SMC4: variants seen among roughly 807,000 people sequenced by gnomAD.
SMC4 encodes the protein structural maintenance of chromosomes 4.
A neutral mutation model predicts 145.6 loss-of-function variants in SMC4; 87 were observed. The observed-to-expected ratio is 0.60, with a 90% CI of 0.50 to 0.71. The LOEUF (loss-of-function observed/expected upper bound fraction) is 0.71. SMC4 is among the 30% of genes least tolerant of loss of function. The probability of loss-of-function intolerance (pLI) is 0.00; values close to 1 mark genes in which losing one functional copy is unlikely to be tolerated. For synonymous variants in SMC4, 558 were observed against 500.7 expected, an observed-to-expected ratio of 1.11 and a Z score of -1.53; for missense variants, 1,447 against 1,537.1, an observed-to-expected ratio of 0.94 and a Z score of 0.98.
chr3:160,423,898 G>T, intron 15 of SMC4, 58 bp downstream of exon 15: 4 of 1,368,264 alleles, frequency 2.9e-6, no homozygotes, highest in Admixed American at 2.3e-5. Context: ...GCTTTACCGA[G>T]GTATATACTT....
chr3:160,427,991 A>G (rs1717984598), intron 17 of SMC4, among the ~76,000 whole-genome samples: 1 of 152,118 alleles, frequency 6.6e-6, no homozygotes, highest in African/African-American at 2.4e-5. Flanking sequence ...CATGCTTATA[A>G]TCCCAGCTAC....
In SMC4 at chr3:160,419,453, A is replaced by T; in HGVS notation, c.1767A>T (p.Ser589=). ...LFQKVEEAKS[S]LAMNRSRGKV... ...AAAAAGTTGAAGAAGCAAAGAGCTC[A>T]TTAGCAATGAATCGAAGTAGGGGGA... The change falls in exon 12 of 24, where the codon TCA becomes TCT. Residue 589 remains serine, a synonymous_variant. Transcript: ENST00000357388. The T allele has an allele frequency of 9.3e-6, 15 of 1,612,366 alleles. No individual in the cohort carries two copies. Among genetic ancestry groups the T allele is most frequent in the Non-Finnish European group, 1.3e-5 (15 of 1,179,656 alleles).
chr3:160,414,707 T>G (rs1716404158), intron 9 of SMC4, among the ~76,000 whole-genome samples, 190 bp downstream of exon 9: 1 of 151,872 alleles, frequency 6.6e-6, no homozygotes, highest in African/African-American at 2.4e-5. Context: ...TTGCAGGAGG[T>G]TTTTTGTTTG....
rs548136032 is a variant in SMC4, at chr3:160,434,682, A to G, written c.*873A>G. 1.0e-3 allele frequency: 159 copies of G among 152,332 alleles called. No homozygotes were observed. Among genetic ancestry groups the G allele is most frequent in the African/African-American group, 3.6e-3 (151 of 41,574 alleles). 9.4% of individuals were successfully genotyped at this position (152,332 alleles called of 1,614,324 possible). A position where few individuals can be genotyped will look rare whatever the true frequency, so the allele number is the denominator to read the frequency against. On this transcript the variant is annotated 3_prime_UTR_variant, in exon 24 of 24. Coordinates refer to ENST00000357388, the MANE Select transcript of SMC4 (RefSeq NM_001002800.3). ...AAAATTGTCAGCGTATTTTTACACT[A>G]TTGGCTCAAGAATGTTATAATGCTA...
At position 160,402,819 on chromosome 3, in the gene SMC4, C is replaced by T; in HGVS notation, c.462C>T (p.Asp154=). 6.2e-7 allele frequency: 1 copy of T among 1,604,240 alleles called. No homozygotes were observed. Among genetic ancestry groups the T allele is most frequent in the Non-Finnish European group, 8.5e-7 (1 of 1,177,526 alleles). ...TACATAATTCTGATGAACACAAGGA[C>T]ATTCAGAGTTGTACAGTAGAAGTTC... The part of the protein sequence containing the change: ...VLIHNSDEHK[D]IQSCTVEVHF... The change falls in exon 4 of 24, where the codon GAC becomes GAT. Residue 154 remains aspartate (D), a synonymous_variant. Coordinates refer to ENST00000357388, the MANE Select transcript of SMC4 (RefSeq NM_001002800.3).
Position 160,431,144 on chromosome 3 carries a change from T to A in SMC4, c.3053T>A (p.Leu1018His). 6.2e-7 allele frequency: 1 copy of A among 1,605,330 alleles called. No individual in the cohort carries two copies. The change falls in exon 20 of 24, where the codon CTT becomes CAT. Residue 1018 changes from leucine (L) to histidine (H), a missense_variant. Leu to His is a moderately conservative substitution (Grantham distance 99, BLOSUM62 -3). Coordinates refer to ENST00000357388, the MANE Select transcript of SMC4 (RefSeq NM_001002800.3). ...GATGCACTTAGTATTAAGTTGAAAC[T>A]TGAACAAATAGATGGTCACATTGCT... ...QKDALSIKLK[L>H]EQIDGHIAEH...
chr3:160,433,385 C>T (rs1251364950), intron 23 of SMC4, 176 bp downstream of exon 23: 1 of 550,966 alleles, frequency 1.8e-6, no homozygotes, highest in African/African-American at 1.9e-5. Context: ...CCAAATATTT[C>T]CATTTTGGAG....
chr3:160,409,975 C>A (rs914674365), intron 5 of SMC4, among the ~76,000 whole-genome samples: 1 of 152,134 alleles, frequency 6.6e-6, no homozygotes, highest in Non-Finnish European at 1.5e-5. Context: ...ACTTGGGACA[C>A]TGAGGTGGGC....
intron 8 of SMC4, chr3:160,413,859 A>G (rs953014468): frequency 1.5e-5 from 5 of 331,602 alleles, no homozygotes; most frequent in African/African-American, 4.5e-5. Flanking sequence ...GTAACAAACA[A>G]TAAGCATTTG....
At chr3:160,428,353 T>C (rs1281259115) in intron 17 of SMC4, among the ~76,000 whole-genome samples, 1 of 152,242 alleles carries the variant, frequency 6.6e-6, no homozygotes, top group African/African-American at 2.4e-5. Flanking sequence ...TGCGAAGTTA[T>C]GTTAGCAGAA....
At chr3:160,417,691 TG>T in intron 10 of SMC4, 31 bp from the exon 11 acceptor site, 2 of 1,494,158 alleles carry the variant, frequency 1.3e-6, no homozygotes, top group South Asian at 2.3e-5. Context: ...AGTAAATATC[TG>T]TCCAGATTTA....
chr3:160,400,101 G>T (rs1228628917), intron 1 of SMC4: 2 of 152,372 alleles, frequency 1.3e-5, no homozygotes, highest in African/African-American at 2.4e-5. Flanking sequence ...GCCTTCGCTG[G>T]TGACCTTTCA....
rs533058363 is a variant in SMC4 at position 160,431,953 on chromosome 3, G to A, written c.3297+128G>A. The A allele has an allele frequency of 1.9e-4, 185 of 990,624 alleles. 1 individual carries two copies. The South Asian group carries it at 2.6e-3, about 14-fold the overall frequency. 61.4% of individuals were successfully genotyped at this position (990,624 alleles called of 1,614,324 possible). On this transcript the variant is annotated intron_variant, in intron 21 of 23. Coordinates refer to ENST00000357388, the MANE Select transcript of SMC4 (RefSeq NM_001002800.3). Reference sequence around the variant, plus strand: ...GTGGTGGCTCACGCCTGTAATCCCAGCACTTTGGGAGGCCAAAGGCGGGTG... The same window carrying A: ...GTGGTGGCTCACGCCTGTAATCCCAACACTTTGGGAGGCCAAAGGCGGGTG...
At chr3:160,424,556 C>A (rs771940953) in intron 15 of SMC4, among the ~76,000 whole-genome samples, 4 of 152,078 alleles carry the variant, frequency 2.6e-5, no homozygotes, top group Non-Finnish European at 5.9e-5. Context: ...CACCTGTAAT[C>A]CCAGCACTTT....
chr3:160,425,133 G>A, intron 16 of SMC4, 114 bp downstream of exon 16: 1 of 1,388,872 alleles, frequency 7.2e-7, no homozygotes, highest in Non-Finnish European at 9.5e-7. Context: ...ATATAAGGGA[G>A]GGAGGATCTA....
At chr3:160,410,809 C>T (rs1159335624) in intron 5 of SMC4, among the ~76,000 whole-genome samples, 4 of 152,174 alleles carry the variant, frequency 2.6e-5, no homozygotes, top group South Asian at 4.1e-4. Context: ...TTAAGGTTCA[C>T]CTGTATTCAC....
chr3:160,425,891 T>TA (rs1239666335), intron 16 of SMC4, among the ~76,000 whole-genome samples, 183 bp from the exon 17 acceptor site: 3 of 152,234 alleles, frequency 2.0e-5, no homozygotes, highest in Admixed American at 1.3e-4. Context: ...CGTGTCTTTA[T>TA]AATGAGCTTA....
chr3:160,417,668 G>C, intron 10 of SMC4, 55 bp from the exon 11 acceptor site: 1 of 1,286,286 alleles, frequency 7.8e-7, no homozygotes, highest in Non-Finnish European at 1.1e-6. Flanking sequence ...TTTCATTTCA[G>C]TGTAGGTTTG....
At chr3:160,421,900 C>T (rs932707970) in intron 13 of SMC4, among the ~76,000 whole-genome samples, 3 of 152,176 alleles carry the variant, frequency 2.0e-5, no homozygotes, top group Admixed American at 6.5e-5. Flanking sequence ...TACCCCTTCA[C>T]CCCCTCCGTA....
Sources: allele counts gnomAD v4.1 joint callset (sites outside exome capture counted in the v4.1 genomes callset), GRCh38; gene constraint gnomAD v4.1.1; transcripts MANE v1.5; gene names NCBI Gene and HGNC (gene_info 2026-07-23, HGNC 2026-07-21).